The following ZBTB44 variants were observed in gnomAD, a reference collection of about 807,000 sequenced individuals.
ZBTB44 encodes zinc finger and BTB domain containing 44.
ZBTB44 carries 15 observed loss-of-function variants against 54.0 expected under a neutral mutation model. The observed-to-expected ratio is 0.28, with a 90% CI of 0.19 to 0.43. The LOEUF is 0.43. Ranked by LOEUF, ZBTB44 falls within the 20% of genes least tolerant of loss-of-function variation. ZBTB44 has a pLI of 1.00. For synonymous variants in ZBTB44, 230 were observed against 250.1 expected, an observed-to-expected ratio of 0.92 and a Z score of 0.76; for missense variants, 487 against 707.1, an observed-to-expected ratio of 0.69 and a Z score of 3.53.
chr11:130,270,990 G>A (rs1939624450), intron 1 of ZBTB44, among the ~76,000 whole-genome samples: 1 of 152,140 alleles, frequency 6.6e-6, no homozygotes, highest in African/African-American at 2.4e-5. Flanking sequence ...CGGGGACGAA[G>A]GGCAGAAAGG....
At chr11:130,258,690 G>A (rs1444814766) in intron 2 of ZBTB44, among the ~76,000 whole-genome samples, 1 of 152,230 alleles carries the variant, frequency 6.6e-6, no homozygotes, top group Non-Finnish European at 1.5e-5. Context: ...ACACAGACTA[G>A]CAGAAGTTTT....
intron 1 of ZBTB44, among the ~76,000 whole-genome samples, chr11:130,292,793 TAC>T (rs1420635650): frequency 6.6e-6 from 1 of 152,196 alleles, no homozygotes; most frequent in African/African-American, 2.4e-5. Context: ...ATGTTAAACT[TAC>T]ATGGAAAATG....
chr11:130,262,691 T>C (rs1439867808), intron 1 of ZBTB44, among the ~76,000 whole-genome samples: 1 of 150,834 alleles, frequency 6.6e-6, no homozygotes, highest in African/African-American at 2.4e-5. Context: ...TGCAGGTAAA[T>C]GTATAGAGGA....
intron 1 of ZBTB44, among the ~76,000 whole-genome samples, chr11:130,298,375 G>A (rs1592063058): frequency 6.6e-6 from 1 of 151,656 alleles, no homozygotes; most frequent in East Asian, 1.9e-4. Flanking sequence ...AACTCCTGGG[G>A]CTCAACGAAT....
chr11:130,280,712 C>G lies in ZBTB44; in HGVS notation c.-56-18783G>C, dbSNP rs573949523. On this transcript the variant is annotated intron_variant, in intron 1 of 7. Transcript: ENST00000357899. ...AACAGAAAGGTAATTAAAAAATCAC[C>G]AAACTTCTTTACGTTGACTTGTTCC... Among the ~76,000 whole-genome samples, 32 of 152,300 alleles carry G rather than the reference C, an allele frequency of 2.1e-4. 2 individuals are homozygous for G. In the South Asian group the frequency reaches 6.6e-3, roughly 32 times the overall value.
chr11:130,304,130 C>T (rs1033960025), intron 1 of ZBTB44, among the ~76,000 whole-genome samples: 1 of 152,122 alleles, frequency 6.6e-6, no homozygotes, highest in Admixed American at 6.6e-5. Flanking sequence ...TGGAATATTT[C>T]TAGCTCATTG....
At chr11:130,311,833 T>G (rs1378532391) in intron 1 of ZBTB44, among the ~76,000 whole-genome samples, 1 of 152,132 alleles carries the variant, frequency 6.6e-6, no homozygotes, top group Non-Finnish European at 1.5e-5. Flanking sequence ...GTAACTCGTG[T>G]CAGAAAGCAC....
intron 1 of ZBTB44, among the ~76,000 whole-genome samples, chr11:130,305,692 G>C (rs112844695): frequency 0.013 from 1,976 of 152,252 alleles, 47 homozygotes; most frequent in African/African-American, 0.045. Flanking sequence ...CTAGACATTA[G>C]CTTAGGCAAA....
intron 4 of ZBTB44, among the ~76,000 whole-genome samples, chr11:130,238,068 T>G (rs533037201): frequency 1.2e-4 from 19 of 152,308 alleles, no homozygotes; most frequent in Non-Finnish European, 2.8e-4. Flanking sequence ...TGGGAAAAAT[T>G]TCAAACTTAA....
intron 1 of ZBTB44, among the ~76,000 whole-genome samples, chr11:130,302,065 AAAGT>A (rs1402884012): frequency 6.6e-6 from 1 of 151,600 alleles, no homozygotes; most frequent in Non-Finnish European, 1.5e-5. Flanking sequence ...AAAAAAAAAA[AAAGT>A]AATAATAATC....
At chr11:130,254,221 A>T (rs904490827) in intron 2 of ZBTB44, among the ~76,000 whole-genome samples, 3 of 152,232 alleles carry the variant, frequency 2.0e-5, no homozygotes, top group African/African-American at 7.2e-5. Flanking sequence ...GACAAATGGG[A>T]TCTAATTAAA....
intron 2 of ZBTB44, among the ~76,000 whole-genome samples, chr11:130,247,621 T>C (rs1468481811): frequency 1.1e-4 from 16 of 152,202 alleles, no homozygotes; most frequent in Non-Finnish European, 1.9e-4. Flanking sequence ...GTTGGATTAG[T>C]TCATCTGAAC....
At chr11:130,239,762 G>C (rs775399275) in intron 3 of ZBTB44, 50 bp downstream of exon 3, 1 of 1,457,592 alleles carries the variant, frequency 6.9e-7, no homozygotes, top group South Asian at 1.2e-5. Flanking sequence ...TGAATTTGGA[G>C]TTGTAAACAC....
At chr11:130,255,948 G>C (rs1270464716) in intron 2 of ZBTB44, among the ~76,000 whole-genome samples, 1 of 143,534 alleles carries the variant, frequency 7.0e-6, no homozygotes, top group Non-Finnish European at 1.5e-5. Context: ...AAACTCTCCT[G>C]AAATAGCCTA....
chr11:130,232,536 A>AT (rs1171974842), intron 7 of ZBTB44: 1 of 152,176 alleles, frequency 6.6e-6, no homozygotes, highest in Non-Finnish European at 1.5e-5. Flanking sequence ...AGTCTTAATA[A>AT]TTTTTTTCTC....
chr11:130,243,943 C>T (rs568254502), intron 2 of ZBTB44, among the ~76,000 whole-genome samples: 3 of 151,998 alleles, frequency 2.0e-5, no homozygotes, highest in Admixed American at 6.6e-5. Context: ...CCCTGCTTAA[C>T]GTGTGGGGCA....
intron 1 of ZBTB44, chr11:130,285,648 C>T: frequency 3.8e-6 from 1 of 264,298 alleles, no homozygotes; most frequent in Middle Eastern, 1.7e-3. Context: ...CCCTACTTCA[C>T]AGTCTAATTT....
intron 2 of ZBTB44, among the ~76,000 whole-genome samples, chr11:130,255,584 G>C (rs963070552): frequency 6.6e-6 from 1 of 151,948 alleles, no homozygotes; most frequent in African/African-American, 2.4e-5. Context: ...CACACGAAAA[G>C]CCCTTCAAAA....
chr11:130,229,928 C>T lies in ZBTB44; in HGVS notation c.*1836G>A, dbSNP rs1953814833. 1.3e-5 allele frequency: 2 copies of T among 151,848 alleles called. No homozygotes were observed. 9.4% of individuals were successfully genotyped at this position (151,848 alleles called of 1,614,324 possible). Reference sequence around the variant, plus strand: ...ATTTAGAAAATTTTTAATTCTCATTCACTTGGATGTGTATTTCAGAATTAC... The same window carrying T: ...ATTTAGAAAATTTTTAATTCTCATTTACTTGGATGTGTATTTCAGAATTAC... On this transcript the variant is annotated 3_prime_UTR_variant, in exon 8 of 8. Coordinates refer to ENST00000357899, the MANE Select transcript of ZBTB44 (RefSeq NM_001301098.2).
Sources: gnomAD v4.1 joint callset for allele counts (sites outside exome capture counted in the v4.1 genomes callset) on GRCh38, gnomAD v4.1.1 for gene constraint, MANE v1.5 for transcripts, NCBI Gene and HGNC (gene_info 2026-07-23, HGNC 2026-07-21) for gene names.